Variants in ADAMTSL1 observed in about 807,000 individuals in gnomAD.
ADAMTSL1 encodes the protein ADAMTS-like protein 1.
ADAMTSL1 carries 126 observed loss-of-function variants against 201.8 expected under a neutral mutation model. The observed-to-expected ratio is 0.62, with a 90% CI of 0.54 to 0.72. The LOEUF (loss-of-function observed/expected upper bound fraction) is 0.72, where lower values mean the gene tolerates loss of function less well. Among genes scored for constraint, ADAMTSL1 ranks in the 30% least tolerant of loss-of-function variants. ADAMTSL1 has a pLI of 0.00. For synonymous variants in ADAMTSL1, 1,121 were observed against 903.4 expected, an observed-to-expected ratio of 1.24 and a Z score of -4.32; for missense variants, 2,679 against 2,277.8, an observed-to-expected ratio of 1.18 and a Z score of -3.59.
At chr9:18,832,618 C>G (rs182707685) in intron 23 of ADAMTSL1, among the ~76,000 whole-genome samples, 4 of 152,186 alleles carry the variant, frequency 2.6e-5, no homozygotes, top group Non-Finnish European at 5.9e-5. Context: ...GGCAAAGATA[C>G]TGTTAATCAC....
At chr9:18,302,129 T>C (rs997972709) in intron 2 of ADAMTSL1, among the ~76,000 whole-genome samples, 1 of 152,204 alleles carries the variant, frequency 6.6e-6, no homozygotes, top group African/African-American at 2.4e-5. Context: ...TCTCTCTTTT[T>C]TGGGTTGCTG....
chr9:18,098,189 A>G (rs560951414), intron 1 of ADAMTSL1, among the ~76,000 whole-genome samples: 9 of 152,148 alleles, frequency 5.9e-5, no homozygotes, highest in African/African-American at 2.2e-4. Context: ...TCATTATTCT[A>G]ATAATATATT....
chr9:18,581,633 C>G (rs991465530), intron 4 of ADAMTSL1, among the ~76,000 whole-genome samples: 1 of 152,268 alleles, frequency 6.6e-6, no homozygotes, highest in Non-Finnish European at 1.5e-5. Context: ...TCCATCTGTG[C>G]ACATTTGAAA....
chr9:18,442,376 G>A (rs1563963673), intron 2 of ADAMTSL1, among the ~76,000 whole-genome samples: 1 of 152,214 alleles, frequency 6.6e-6, no homozygotes, highest in Non-Finnish European at 1.5e-5. Flanking sequence ...CATTTTGCCA[G>A]GTGTTTATTA....
At chr9:18,782,194 G>A (rs1389925408) in intron 19 of ADAMTSL1, among the ~76,000 whole-genome samples, 2 of 152,218 alleles carry the variant, frequency 1.3e-5, no homozygotes, top group Admixed American at 6.5e-5. Context: ...TCAAAGTCCA[G>A]TTTGGGAGCC....
chr9:18,566,402 A>T (rs547371263), intron 3 of ADAMTSL1, among the ~76,000 whole-genome samples: 1 of 152,330 alleles, frequency 6.6e-6, no homozygotes, highest in African/African-American at 2.4e-5. Context: ...TAAAATGTTA[A>T]GCACAGTAAA....
rs531332869 is a variant in ADAMTSL1 at position 18,085,605 on chromosome 9, C to CTG, written c.88-78249_88-78248dup. Among the ~76,000 whole-genome samples, 108 of 142,728 alleles carry CTG rather than the reference C, an allele frequency of 7.6e-4. 1 individual carries two copies. In the East Asian group the frequency reaches 0.014, roughly 18 times the overall value. The allele number at this position is 142,728 out of a possible 152,430, so 93.6% of individuals were successfully genotyped here. ...CTGTGTGTGTGTATACGTATATACA[C>CTG]TGTGTGTGTATACGTATATACACTG... On this transcript the variant is annotated intron_variant, in intron 1 of 29. Coordinates refer to the ADAMTSL1 transcript ENST00000680146.
At chr9:18,113,440 A>T (rs1367650773) in intron 1 of ADAMTSL1, among the ~76,000 whole-genome samples, 1 of 152,158 alleles carries the variant, frequency 6.6e-6, no homozygotes, top group African/African-American at 2.4e-5. Context: ...TGACGGTGAG[A>T]TGTACAGATG....
At chr9:18,306,766 C>T (rs544343903) in intron 2 of ADAMTSL1, among the ~76,000 whole-genome samples, 2 of 152,196 alleles carry the variant, frequency 1.3e-5, no homozygotes, top group Non-Finnish European at 2.9e-5. Context: ...TTGGAAAACA[C>T]TCTTCAGTAT....
At chr9:18,483,919 A>T (rs1400606917) in intron 1 of ADAMTSL1, among the ~76,000 whole-genome samples, 2 of 152,214 alleles carry the variant, frequency 1.3e-5, no homozygotes, top group Non-Finnish European at 2.9e-5. Flanking sequence ...GAGAACTAAA[A>T]TCTGTAAAAT....
intron 1 of ADAMTSL1, among the ~76,000 whole-genome samples, chr9:18,498,558 A>C (rs1435587294): frequency 2.6e-5 from 4 of 152,062 alleles, no homozygotes; most frequent in Non-Finnish European, 5.9e-5. Flanking sequence ...GGCTGGTCTC[A>C]AAGTCTTGCC....
intron 1 of ADAMTSL1, among the ~76,000 whole-genome samples, chr9:17,907,649 C>T (rs1285907995): frequency 1.3e-5 from 2 of 152,180 alleles, no homozygotes; most frequent in African/African-American, 2.4e-5. Context: ...CGCGGAAGGG[C>T]CCTGGGAGAG....
In ADAMTSL1 at chr9:18,655,203, T is replaced by C. The variant is rs564855944; in HGVS notation, c.835-2436T>C. 9.8e-5 allele frequency among the ~76,000 whole-genome samples: 15 copies of C among 152,332 alleles called. No individual in the cohort carries two copies. The South Asian group carries it at 1.2e-3, about 13-fold the overall frequency. ...ATGATGTCTTCATGTGCTTATACTA[T>C]CTCCTTGATTCCTTGAATTTTACAT... On this transcript the variant is annotated intron_variant, in intron 7 of 28. Coordinates refer to ENST00000380548, the MANE Select transcript of ADAMTSL1 (RefSeq NM_001040272.6).
intron 9 of ADAMTSL1, among the ~76,000 whole-genome samples, chr9:18,668,384 A>G (rs1018857759): frequency 7.2e-5 from 11 of 152,208 alleles, no homozygotes; most frequent in African/African-American, 2.4e-4. Flanking sequence ...ATAATCAACT[A>G]TAACTCAATT....
At chr9:18,442,959 C>T (rs576862674) in intron 2 of ADAMTSL1, among the ~76,000 whole-genome samples, 4 of 152,284 alleles carry the variant, frequency 2.6e-5, no homozygotes, top group African/African-American at 7.2e-5. Context: ...GTGATGGTTC[C>T]GGCTCCTTCC....
chr9:18,253,308 G>T (rs1342904444), intron 2 of ADAMTSL1, among the ~76,000 whole-genome samples: 4 of 152,166 alleles, frequency 2.6e-5, no homozygotes, highest in Admixed American at 1.3e-4. Context: ...AAGGGACCCT[G>T]GGTGGATGGA....
intron 8 of ADAMTSL1, among the ~76,000 whole-genome samples, chr9:18,660,735 A>T (rs561503694): frequency 4.0e-4 from 61 of 152,314 alleles, no homozygotes; most frequent in African/African-American, 1.4e-3. Flanking sequence ...CAAATATTGG[A>T]TAGAAAAAGT....
Position 18,848,559 on chromosome 9 carries a change from C to T in ADAMTSL1, c.4249+18582C>T, listed in dbSNP as rs116200606. Reference sequence around the variant, plus strand: ...AACTTCCATGCCTGGAATACCCTCCCCTACCCCACCATATCTATCTAAATC... The same window carrying T: ...AACTTCCATGCCTGGAATACCCTCCTCTACCCCACCATATCTATCTAAATC... On this transcript the variant is annotated intron_variant, in intron 23 of 28. Coordinates refer to ENST00000380548, the MANE Select transcript of ADAMTSL1 (RefSeq NM_001040272.6). Among the ~76,000 whole-genome samples, 957 of 152,272 alleles carry T rather than the reference C, an allele frequency of 6.3e-3. 12 individuals carry two copies. Among genetic ancestry groups the T allele is most frequent in the African/African-American group, 0.02 (849 of 41,542 alleles).
intron 22 of ADAMTSL1, among the ~76,000 whole-genome samples, chr9:18,827,898 G>GTT (rs1447674476): frequency 1.3e-5 from 2 of 152,178 alleles, no homozygotes; most frequent in Non-Finnish European, 2.9e-5. Context: ...ACAGTTCTTG[G>GTT]TTTATTAAGG....
Sources: gnomAD v4.1 joint callset for allele counts (sites outside exome capture counted in the v4.1 genomes callset) on GRCh38, gnomAD v4.1.1 for gene constraint, MANE v1.5 for transcripts, NCBI Gene and HGNC (gene_info 2026-07-23, HGNC 2026-07-21) for gene names.